Variants in PKIB observed in about 807,000 individuals in gnomAD.
PKIB encodes cAMP-dependent protein kinase inhibitor beta, also known as PKI-beta.
Under a neutral mutation model 4.5 loss-of-function variants are expected in PKIB, and 2 were observed. The ratio of observed to expected loss-of-function variants is 0.44; its 90% CI spans 0.18 to 1.39. The LOEUF (loss-of-function observed/expected upper bound fraction) is 1.39, where lower values mean the gene tolerates loss of function less well. Ranked by LOEUF, PKIB falls within the 40% of genes most tolerant of loss-of-function variation. PKIB has a pLI of 0.27. For missense variants in PKIB, 94 were observed against 92.6 expected, an observed-to-expected ratio of 1.02 and a Z score of -0.06; for synonymous variants, 38 against 36.0, an observed-to-expected ratio of 1.06 and a Z score of -0.20.
intron 2 of PKIB, among the ~76,000 whole-genome samples, chr6:122,674,781 C>T (rs929984452): frequency 2.6e-5 from 4 of 152,090 alleles, no homozygotes; most frequent in South Asian, 2.1e-4. Flanking sequence ...TGTTTTTACA[C>T]GATGATTTCT....
chr6:122,492,747 A>G (rs184838541), intron 2 of PKIB, among the ~76,000 whole-genome samples: 391 of 150,040 alleles, frequency 2.6e-3, no homozygotes, highest in Non-Finnish European at 4.5e-3. Context: ...TAGCTTTATC[A>G]TATCTTATAT....
chr6:122,583,340 T>C (rs1177151769), intron 2 of PKIB, among the ~76,000 whole-genome samples: 3 of 152,106 alleles, frequency 2.0e-5, no homozygotes, highest in Admixed American at 6.6e-5. Context: ...GAAGGACTTA[T>C]ACATTCTTAA....
chr6:122,684,833 A>G (rs1778035035), intron 3 of PKIB, among the ~76,000 whole-genome samples: 1 of 152,154 alleles, frequency 6.6e-6, no homozygotes, highest in South Asian at 2.1e-4. Context: ...TGCCTTTAAT[A>G]GCATTGATTA....
intron 2 of PKIB, among the ~76,000 whole-genome samples, chr6:122,567,201 G>A (rs1773219924): frequency 6.6e-6 from 1 of 152,194 alleles, no homozygotes; most frequent in South Asian, 2.1e-4. Flanking sequence ...TTTCTGAGAT[G>A]CAGAAGGCAT....
intron 1 of PKIB, among the ~76,000 whole-genome samples, chr6:122,616,721 T>C: frequency 6.6e-6 from 1 of 152,126 alleles, no homozygotes; most frequent in East Asian, 1.9e-4. Context: ...TTTTTTTTTT[T>C]CTTTCTATGG....
At chr6:122,690,441 A>G (rs552678487) in intron 3 of PKIB, among the ~76,000 whole-genome samples, 41 of 151,918 alleles carry the variant, frequency 2.7e-4, no homozygotes, top group Admixed American at 3.9e-4. Flanking sequence ...TACCATGAGG[A>G]TTGCAAATAC....
At chr6:122,630,318 A>G (rs898887655) in intron 1 of PKIB, among the ~76,000 whole-genome samples, 1 of 152,164 alleles carries the variant, frequency 6.6e-6, no homozygotes, top group African/African-American at 2.4e-5. Context: ...AAAATACAAT[A>G]TATACATCAG....
At chr6:122,613,113 T>A (rs1363838831) in intron 1 of PKIB, among the ~76,000 whole-genome samples, 2 of 152,176 alleles carry the variant, frequency 1.3e-5, no homozygotes, top group Admixed American at 6.6e-5. Context: ...GAATCAGGCT[T>A]AATCAAGACT....
At chr6:122,611,407 AAAC>A (rs578132917) in intron 1 of PKIB, among the ~76,000 whole-genome samples, 17 of 152,132 alleles carry the variant, frequency 1.1e-4, no homozygotes, top group Non-Finnish European at 2.1e-4. Context: ...GCACTAAAAC[AAAC>A]AACAAACAAA....
At position 122,716,647 on chromosome 6, in the gene PKIB, T is replaced by C. The variant is rs4386855; in HGVS notation, c.-8-1140T>C. ...TGAACCAAAAATATTGTTTCTAATG[T>C]CAAATGCACCATGTTTTGTGACTAT... On this transcript the variant is annotated intron_variant, in intron 3 of 4. Transcript: ENST00000368452. Among the ~76,000 whole-genome samples the C allele has an allele frequency of 8.0e-3, 1,218 of 152,304 alleles. 21 individuals are homozygous for C. The highest frequency in any genetic ancestry group is 0.03 in the South Asian group (143 of 4,824).
intron 1 of PKIB, among the ~76,000 whole-genome samples, chr6:122,617,547 GT>G (rs962695596): frequency 1.3e-5 from 2 of 152,028 alleles, no homozygotes; most frequent in African/African-American, 2.4e-5. Context: ...ACAAAACATT[GT>G]TTTTACTCAT....
At chr6:122,510,344 G>C (rs1399300506) in intron 2 of PKIB, among the ~76,000 whole-genome samples, 2 of 152,160 alleles carry the variant, frequency 1.3e-5, no homozygotes, top group East Asian at 3.8e-4. Context: ...AGTCTGGATA[G>C]CTCTGTCTAC....
chr6:122,647,041 A>G (rs1436486458), intron 2 of PKIB, among the ~76,000 whole-genome samples: 1 of 152,152 alleles, frequency 6.6e-6, no homozygotes, highest in African/African-American at 2.4e-5. Flanking sequence ...CTTCCACCAG[A>G]GAAACAGATG....
chr6:122,520,441 T>A (rs1776896827), intron 2 of PKIB, among the ~76,000 whole-genome samples: 1 of 152,210 alleles, frequency 6.6e-6, no homozygotes, highest in Admixed American at 6.5e-5. Context: ...ATGCGTCTCC[T>A]TAGAAGAGGC....
chr6:122,534,813 T>C (rs1777358687), intron 2 of PKIB, among the ~76,000 whole-genome samples: 1 of 152,116 alleles, frequency 6.6e-6, no homozygotes. Flanking sequence ...TGAGAAAAGA[T>C]TCAGGAAGGG....
chr6:122,489,764 A>AGCC (rs945733343), intron 2 of PKIB, among the ~76,000 whole-genome samples: 2 of 152,232 alleles, frequency 1.3e-5, no homozygotes, highest in Admixed American at 1.3e-4. Context: ...TTCTTTTTAT[A>AGCC]GCCCCAGGCC....
chr6:122,633,607 G>A (rs1395685380), intron 2 of PKIB, among the ~76,000 whole-genome samples: 15 of 152,076 alleles, frequency 9.9e-5, no homozygotes, highest in Admixed American at 9.8e-4. Context: ...ACTCATATCT[G>A]CCAGGGATAA....
chr6:122,590,994 GT>G (rs1262791195), intron 3 of PKIB, among the ~76,000 whole-genome samples: 8 of 151,862 alleles, frequency 5.3e-5, no homozygotes, highest in Non-Finnish European at 1.0e-4. Context: ...TTATCATGGA[GT>G]ATCTTTCACG....
intron 2 of PKIB, among the ~76,000 whole-genome samples, chr6:122,556,993 T>A (rs1335472914): frequency 1.3e-5 from 2 of 152,174 alleles, no homozygotes; most frequent in African/African-American, 2.4e-5. Flanking sequence ...GTGGGTGGAT[T>A]ACTTGAGGTC....
Sources: gnomAD v4.1 joint callset for allele counts (sites outside exome capture counted in the v4.1 genomes callset) on GRCh38, gnomAD v4.1.1 for gene constraint, MANE v1.5 for transcripts, NCBI Gene and HGNC (gene_info 2026-07-23, HGNC 2026-07-21) for gene names.